LRRC4C: variants seen among roughly 807,000 people sequenced by gnomAD.
The protein encoded by LRRC4C is leucine-rich repeat-containing protein 4C.
Under a neutral mutation model 33.6 loss-of-function variants are expected in LRRC4C, and 5 were observed. The ratio of observed to expected loss-of-function variants is 0.15; its 90% CI spans 0.08 to 0.31. The LOEUF (loss-of-function observed/expected upper bound fraction) is 0.31. Among genes scored for constraint, LRRC4C ranks in the 10% least tolerant of loss-of-function variants. The pLI is 1.00. For synonymous variants in LRRC4C, 329 were observed against 302.0 expected (o/e 1.09, Z -0.93); for missense variants, 560 against 796.7 (o/e 0.70, Z 3.58).
At chr11:40,582,513 GTTTT>G (rs35497785) in intron 3 of LRRC4C, among the ~76,000 whole-genome samples, 41 of 115,580 alleles carry the variant, frequency 3.5e-4, no homozygotes, top group African/African-American at 1.2e-3. Context: ...CCCTTGTTCA[GTTTT>G]TTTTTTTTTT....
intron 3 of LRRC4C, among the ~76,000 whole-genome samples, chr11:40,392,700 A>G (rs1174106322): frequency 6.6e-6 from 1 of 152,130 alleles, no homozygotes; most frequent in African/African-American, 2.4e-5. Flanking sequence ...AAAATGTAGC[A>G]TCTGTATTTA....
At chr11:40,238,450 C>T (rs1313356140) in intron 5 of LRRC4C, among the ~76,000 whole-genome samples, 1 of 152,148 alleles carries the variant, frequency 6.6e-6, no homozygotes, top group Non-Finnish European at 1.5e-5. Context: ...GATAATACCA[C>T]AGCCCCGTTC....
At chr11:40,519,729 G>A (rs897202755) in intron 3 of LRRC4C, among the ~76,000 whole-genome samples, 1 of 152,138 alleles carries the variant, frequency 6.6e-6, no homozygotes, top group Admixed American at 6.6e-5. Flanking sequence ...AAGAACATTC[G>A]TGATTCATGG....
intron 1 of LRRC4C, among the ~76,000 whole-genome samples, chr11:41,073,514 C>G (rs925919482): frequency 6.6e-6 from 1 of 152,152 alleles, no homozygotes; most frequent in Non-Finnish European, 1.5e-5. Flanking sequence ...TGGGGACAAA[C>G]AAACCATATC....
chr11:40,167,904 C>T (rs144184403), intron 5 of LRRC4C, among the ~76,000 whole-genome samples: 3,497 of 152,102 alleles, frequency 0.023, 55 homozygotes, highest in South Asian at 0.051. Context: ...ATTAGCCAGT[C>T]GTGGTGGCAC....
In LRRC4C at chr11:41,261,576, A is replaced by C. The variant is rs538763472; in HGVS notation, c.-496+197855T>G. On this transcript the variant is annotated intron_variant, in intron 1 of 6. Coordinates refer to ENST00000528697, the MANE Select transcript of LRRC4C (RefSeq NM_001258419.2). ...TTCAAGCCAGTGCACTCTTGAGAAAAAAAGGAAATACTATTAATAGTTATT... is the reference window on the plus strand; with the variant it reads ...TTCAAGCCAGTGCACTCTTGAGAAACAAAGGAAATACTATTAATAGTTATT... Among the ~76,000 whole-genome samples, 4 of 152,254 alleles carry C rather than the reference A, an allele frequency of 2.6e-5. No homozygotes were observed. The East Asian group carries it at 7.7e-4, about 29-fold the overall frequency.
At position 40,759,235 on chromosome 11, in the gene LRRC4C, A is replaced by G. The variant is rs1171960895; in HGVS notation, c.-406-110957T>C. On this transcript the variant is annotated intron_variant, in intron 2 of 6. Coordinates refer to ENST00000528697, the MANE Select transcript of LRRC4C (RefSeq NM_001258419.2). ...TATAATCGTCCATATATTATATTAT[A>G]TATATTATGTATGTACTTCTTCCAT... Among the ~76,000 whole-genome samples the G allele has an allele frequency of 2.7e-5, 4 of 147,416 alleles. No homozygotes were observed. In the Admixed American group the frequency reaches 2.7e-4, roughly 10 times the overall value.
intron 1 of LRRC4C, among the ~76,000 whole-genome samples, chr11:40,945,023 C>CTTT (rs767515626): frequency 4.2e-3 from 471 of 111,034 alleles, no homozygotes; most frequent in African/African-American, 8.0e-3. Context: ...TGCAGTTTTT[C>CTTT]TTTTTTTTTT....
rs149709865 is a variant in LRRC4C, at chr11:40,771,073, T to C, written c.-406-122795A>G. 7.2e-5 allele frequency among the ~76,000 whole-genome samples: 11 copies of C among 152,320 alleles called. No individual in the cohort carries two copies. The East Asian group carries it at 2.1e-3, about 29-fold the overall frequency. On this transcript the variant is annotated intron_variant, in intron 2 of 6. Coordinates refer to ENST00000528697, the MANE Select transcript of LRRC4C (RefSeq NM_001258419.2). Reference sequence around the variant, plus strand: ...GGGACTCAGTGTGGGGACTCTGAACTCACCTTTCCCTTCTGCACTGCCTTA... The same window carrying C: ...GGGACTCAGTGTGGGGACTCTGAACCCACCTTTCCCTTCTGCACTGCCTTA...
At chr11:40,770,726 T>C (rs1415071825) in intron 2 of LRRC4C, among the ~76,000 whole-genome samples, 6 of 152,098 alleles carry the variant, frequency 3.9e-5, no homozygotes, top group South Asian at 2.1e-4. Context: ...ATTGGAGAAA[T>C]TGGAGAAAAT....
intron 1 of LRRC4C, among the ~76,000 whole-genome samples, chr11:41,265,877 T>TAA (rs199583142): frequency 4.6e-4 from 13 of 28,504 alleles, no homozygotes; most frequent in South Asian, 9.6e-4. Flanking sequence ...TTTTCTTTTT[T>TAA]TAAAAAAAAA....
intron 2 of LRRC4C, among the ~76,000 whole-genome samples, chr11:40,863,411 A>G (rs894057987): frequency 6.6e-6 from 1 of 152,102 alleles, no homozygotes; most frequent in African/African-American, 2.4e-5. Context: ...TATGTTTATT[A>G]CTCAACCACT....
At chr11:40,785,261 G>A (rs183615098) in intron 2 of LRRC4C, among the ~76,000 whole-genome samples, 293 of 152,174 alleles carry the variant, frequency 1.9e-3, no homozygotes, top group Non-Finnish European at 3.4e-3. Context: ...ACAAAAACTG[G>A]GTGTGTATTT....
chr11:41,287,711 G>A (rs1949872640), intron 1 of LRRC4C, among the ~76,000 whole-genome samples: 1 of 152,074 alleles, frequency 6.6e-6, no homozygotes, highest in South Asian at 2.1e-4. Flanking sequence ...ATAAAATTAT[G>A]TTTCTGCTCC....
chr11:40,951,305 A>G (rs750423821), intron 1 of LRRC4C, among the ~76,000 whole-genome samples: 1 of 152,046 alleles, frequency 6.6e-6, no homozygotes, highest in Admixed American at 6.6e-5. Context: ...TTAGAGATAT[A>G]TCATCTAAAA....
At chr11:40,247,027 A>G (rs759108131) in intron 4 of LRRC4C, among the ~76,000 whole-genome samples, 2 of 152,042 alleles carry the variant, frequency 1.3e-5, no homozygotes, top group African/African-American at 2.4e-5. Context: ...CAATCACTGA[A>G]GAGACTGAAT....
chr11:41,248,266 T>A (rs1210190618), intron 1 of LRRC4C, among the ~76,000 whole-genome samples: 1 of 152,194 alleles, frequency 6.6e-6, no homozygotes. Context: ...TGGAAAGAAC[T>A]GTCTATACTA....
In LRRC4C at chr11:41,170,194, G is replaced by A. The variant is rs575208182; in HGVS notation, c.-495-236471C>T. On this transcript the variant is annotated intron_variant, in intron 1 of 6. Coordinates refer to ENST00000528697, the MANE Select transcript of LRRC4C (RefSeq NM_001258419.2). ...TTTATACTGCCCAAGGTAATTTATA[G>A]ATTCAATGCCATCCCCATCAAGCTA... is the stretch of plus-strand genomic sequence containing the variant. 1.1e-4 allele frequency among the ~76,000 whole-genome samples: 16 copies of A among 152,206 alleles called. No individual in the cohort carries two copies. In the South Asian group the frequency reaches 2.3e-3, roughly 22 times the overall value.
intron 3 of LRRC4C, among the ~76,000 whole-genome samples, chr11:40,605,805 G>T (rs541455054): frequency 9.9e-5 from 15 of 152,250 alleles, no homozygotes; most frequent in African/African-American, 3.1e-4. Flanking sequence ...CCTGCCACTA[G>T]CCCAGCATGG....
Sources: gnomAD v4.1 joint callset for allele counts (sites outside exome capture counted in the v4.1 genomes callset) on GRCh38, gnomAD v4.1.1 for gene constraint, MANE v1.5 for transcripts, NCBI Gene and HGNC (gene_info 2026-07-23, HGNC 2026-07-21) for gene names.